Variants in NEDD4L observed in about 807,000 individuals in gnomAD.
NEDD4L encodes NEDD4 like E3 ubiquitin protein ligase.
NEDD4L carries 54 observed loss-of-function variants against 148.9 expected under a neutral mutation model. That is an observed-to-expected ratio of 0.36 (90% CI 0.29 to 0.45). The LOEUF is 0.45. NEDD4L is among the 20% of genes least tolerant of loss of function. The pLI, the probability that NEDD4L is intolerant of heterozygous loss-of-function variation, is 1.00. For missense variants in NEDD4L, 856 were observed against 1,233.8 expected, an observed-to-expected ratio of 0.69 and a Z score of 4.59; for synonymous variants, 433 against 440.7, an observed-to-expected ratio of 0.98 and a Z score of 0.22.
At chr18:58,222,490 A>G (rs1243207049) in intron 2 of NEDD4L, among the ~76,000 whole-genome samples, 1 of 152,222 alleles carries the variant, frequency 6.6e-6, no homozygotes, top group Non-Finnish European at 1.5e-5. Context: ...CAGGTTTTCT[A>G]TCATTTTCCC....
chr18:58,261,766 C>T (rs2049417482), intron 5 of NEDD4L, among the ~76,000 whole-genome samples: 1 of 152,146 alleles, frequency 6.6e-6, no homozygotes, highest in Non-Finnish European at 1.5e-5. Context: ...GTGCAACTGT[C>T]AATGATCTAG....
At chr18:58,139,075 T>C (rs1005149107) in intron 1 of NEDD4L, among the ~76,000 whole-genome samples, 4 of 152,234 alleles carry the variant, frequency 2.6e-5, no homozygotes, top group African/African-American at 9.6e-5. Flanking sequence ...TTACCTGATA[T>C]AATCCTTCAA....
chr18:58,200,853 C>T (rs554986288), intron 2 of NEDD4L, among the ~76,000 whole-genome samples: 2 of 152,348 alleles, frequency 1.3e-5, no homozygotes, highest in Non-Finnish European at 2.9e-5. Flanking sequence ...ACAGTGAGGT[C>T]TGTACAGATG....
intron 28 of NEDD4L, 44 bp downstream of exon 28, chr18:58,389,236 C>A: frequency 2.1e-6 from 3 of 1,429,040 alleles, no homozygotes; most frequent in South Asian, 1.2e-5. Flanking sequence ...CCACCTGAGG[C>A]AGGATTGAGG....
At chr18:58,081,517 A>C (rs2083435603) in intron 1 of NEDD4L, among the ~76,000 whole-genome samples, 1 of 152,100 alleles carries the variant, frequency 6.6e-6, no homozygotes. Context: ...ACCCAGCTGG[A>C]ACACCACCCA....
chr18:58,393,892 G>A (rs953651107), intron 30 of NEDD4L, among the ~76,000 whole-genome samples: 6 of 152,202 alleles, frequency 3.9e-5, no homozygotes, highest in African/African-American at 1.4e-4. Flanking sequence ...TGATTATTGA[G>A]TGTCTGACAT....
chr18:58,392,526 C>T lies in NEDD4L; in HGVS notation c.2825+967C>T, dbSNP rs139790796. Among the ~76,000 whole-genome samples, 1,216 of 151,254 alleles carry T rather than the reference C, an allele frequency of 8.0e-3. 14 individuals carry two copies. Among genetic ancestry groups the T allele is most frequent in the African/African-American group, 0.028 (1,157 of 40,814 alleles). ...ACTTCTGTCGGATTCCCTTGCCTCACCAGAAAGGTGTTTTTTTTTTCTATT... is the reference window on the plus strand; with the variant it reads ...ACTTCTGTCGGATTCCCTTGCCTCATCAGAAAGGTGTTTTTTTTTTCTATT... On this transcript the variant is annotated intron_variant, in intron 30 of 30. Coordinates refer to ENST00000400345, the MANE Select transcript of NEDD4L (RefSeq NM_001144967.3).
intron 1 of NEDD4L, among the ~76,000 whole-genome samples, chr18:58,053,039 T>C (rs2081946211): frequency 6.6e-6 from 1 of 152,168 alleles, no homozygotes; most frequent in Non-Finnish European, 1.5e-5. Context: ...GGTGGTCCCA[T>C]GAAGAGGATG....
chr18:58,262,647 A>G (rs1252009280), intron 5 of NEDD4L, among the ~76,000 whole-genome samples: 1 of 141,774 alleles, frequency 7.1e-6, no homozygotes. Flanking sequence ...AAAAAAAAAA[A>G]GGAAAAGAAA....
intron 4 of NEDD4L, among the ~76,000 whole-genome samples, chr18:58,251,297 A>G (rs1182199503): frequency 6.6e-6 from 1 of 152,206 alleles, no homozygotes; most frequent in Non-Finnish European, 1.5e-5. Context: ...AGGCCAAGGC[A>G]TGCAGATAGC....
intron 2 of NEDD4L, among the ~76,000 whole-genome samples, chr18:58,180,137 G>A (rs1387186795): frequency 1.3e-5 from 2 of 152,164 alleles, no homozygotes; most frequent in Non-Finnish European, 2.9e-5. Flanking sequence ...ATTGCCCTGG[G>A]TGAACGGGGG....
chr18:58,317,173 CTTGT>C (rs921116265), intron 6 of NEDD4L, among the ~76,000 whole-genome samples: 8 of 152,196 alleles, frequency 5.3e-5, no homozygotes, highest in African/African-American at 1.4e-4. Flanking sequence ...CTTAAAATAT[CTTGT>C]TTGTTTCTTT....
chr18:58,164,852 G>A (rs1029021189), intron 1 of NEDD4L, among the ~76,000 whole-genome samples: 1 of 152,216 alleles, frequency 6.6e-6, no homozygotes, highest in Admixed American at 6.5e-5. Context: ...GATAACTGCT[G>A]AGTCTCTAAG....
chr18:58,166,351 T>G (rs1254243224), intron 2 of NEDD4L, among the ~76,000 whole-genome samples: 1 of 152,226 alleles, frequency 6.6e-6, no homozygotes, highest in Non-Finnish European at 1.5e-5. Flanking sequence ...GCCAGATCTT[T>G]CTGTGTGTTT....
intron 24 of NEDD4L, among the ~76,000 whole-genome samples, chr18:58,376,915 G>A (rs376330909): frequency 6.6e-6 from 1 of 152,254 alleles, no homozygotes; most frequent in East Asian, 1.9e-4. Flanking sequence ...TCTTCCATCT[G>A]TTGGGAGCAT....
intron 9 of NEDD4L, among the ~76,000 whole-genome samples, chr18:58,326,554 G>A (rs1290161491): frequency 6.6e-6 from 1 of 152,178 alleles, no homozygotes; most frequent in Non-Finnish European, 1.5e-5. Context: ...GACCCACCTT[G>A]GGCTTGGTTA....
chr18:58,355,204 A>G lies in NEDD4L; in HGVS notation c.1709-1990A>G, dbSNP rs2044442728. 2.0e-5 allele frequency among the ~76,000 whole-genome samples: 3 copies of G among 152,174 alleles called. No individual in the cohort carries two copies. In the South Asian group the frequency reaches 6.2e-4, roughly 32 times the overall value. Reference sequence around the variant, plus strand: ...TGAGACAATTCCCAGTGACGCCCAGAGAACAGTTCAGGGAAAAAAAATGAG... The same window carrying G: ...TGAGACAATTCCCAGTGACGCCCAGGGAACAGTTCAGGGAAAAAAAATGAG... On this transcript the variant is annotated intron_variant, in intron 18 of 30. Transcript: ENST00000400345.
chr18:58,214,508 T>C (rs2042933201), intron 2 of NEDD4L, among the ~76,000 whole-genome samples: 1 of 152,168 alleles, frequency 6.6e-6, no homozygotes, highest in Admixed American at 6.5e-5. Context: ...TATCTGTTAC[T>C]GTTAGGGTTA....
At position 58,295,418 on chromosome 18, in the gene NEDD4L, G is replaced by A. The variant is rs115696427; in HGVS notation, c.298-20564G>A. 3.9e-3 allele frequency among the ~76,000 whole-genome samples: 598 copies of A among 152,092 alleles called. 3 individuals carry two copies. Among genetic ancestry groups the A allele is most frequent in the African/African-American group, 0.013 (546 of 41,480 alleles). On this transcript the variant is annotated intron_variant, in intron 5 of 30. Coordinates refer to ENST00000400345, the MANE Select transcript of NEDD4L (RefSeq NM_001144967.3). ...TTTTACTTAGTAATATGCATTTAAG[G>A]TTCCTCCGTGCCTCTTCATGGCCTG...
Sources: gnomAD v4.1 joint callset for allele counts (sites outside exome capture counted in the v4.1 genomes callset) on GRCh38, gnomAD v4.1.1 for gene constraint, MANE v1.5 for transcripts, NCBI Gene and HGNC (gene_info 2026-07-23, HGNC 2026-07-21) for gene names.